SLIT2: variants seen among roughly 807,000 people sequenced by gnomAD.
SLIT2 encodes the protein slit homolog 2 protein.
Under a neutral mutation model 185.7 loss-of-function variants are expected in SLIT2, and 41 were observed. The ratio of observed to expected loss-of-function variants is 0.22; its 90% CI spans 0.17 to 0.29. SLIT2 has a LOEUF of 0.29. Ranked by LOEUF, SLIT2 falls within the 10% of genes least tolerant of loss-of-function variation. The pLI is 1.00. For missense variants in SLIT2, 1,571 were observed against 1,909.0 expected, an observed-to-expected ratio of 0.82 and a Z score of 3.30; for synonymous variants, 693 against 680.2, an observed-to-expected ratio of 1.02 and a Z score of -0.29.
At chr4:20,437,635 G>A (rs769312475) in intron 4 of SLIT2, among the ~76,000 whole-genome samples, 2 of 151,360 alleles carry the variant, frequency 1.3e-5, no homozygotes, top group Non-Finnish European at 2.9e-5. Flanking sequence ...AAAACAGGCC[G>A]AGCGTGGTGG....
At chr4:20,348,356 A>C (rs1425583431) in intron 4 of SLIT2, among the ~76,000 whole-genome samples, 1 of 151,696 alleles carries the variant, frequency 6.6e-6, no homozygotes, top group East Asian at 1.9e-4. Flanking sequence ...CTTCTGCCTC[A>C]GCCTCCCAAG....
At chr4:20,428,394 C>G (rs1728715272) in intron 4 of SLIT2, among the ~76,000 whole-genome samples, 1 of 152,172 alleles carries the variant, frequency 6.6e-6, no homozygotes. Context: ...AAAATACTAT[C>G]TTGACTCATG....
chr4:20,550,779 T>A (rs1723671071), intron 24 of SLIT2, 48 bp from the exon 25 acceptor site: 1 of 1,157,040 alleles, frequency 8.6e-7, no homozygotes, highest in African/African-American at 1.5e-5. Context: ...CTGGAGTCTA[T>A]GAGTTCAGAA....
At chr4:20,384,648 A>G (rs1426540209) in intron 4 of SLIT2, among the ~76,000 whole-genome samples, 3 of 152,156 alleles carry the variant, frequency 2.0e-5, no homozygotes, top group Non-Finnish European at 4.4e-5. Context: ...AACCAAGAAA[A>G]GAGCTTAATA....
chr4:20,253,951 C>G lies in SLIT2; in HGVS notation c.136C>G (p.Leu46Val). The G allele has an allele frequency of 6.2e-7, 1 of 1,603,120 alleles. No homozygotes were observed. Among genetic ancestry groups the G allele is most frequent in the Non-Finnish European group, 8.5e-7 (1 of 1,179,898 alleles). Residue 46 changes from leucine (L) to valine (V), a missense_variant, in exon 1 of 37, where the codon CTG becomes GTG. Leu to Val is a conservative substitution (Grantham distance 32). Coordinates refer to ENST00000504154, the MANE Select transcript of SLIT2 (RefSeq NM_004787.4). Reference sequence around the variant, plus strand: ...CACAGTGGACTGTCACGGGCTGGCGCTGCGCAGCGTGCCCAGGAATATCCC... The same window carrying G: ...CACAGTGGACTGTCACGGGCTGGCGGTGCGCAGCGTGCCCAGGAATATCCC... ...GSTVDCHGLALRSVPRNIPRN... is the reference protein window; with the variant it reads ...GSTVDCHGLAVRSVPRNIPRN...
chr4:20,378,141 G>A (rs1292890636), intron 4 of SLIT2, among the ~76,000 whole-genome samples: 1 of 152,140 alleles, frequency 6.6e-6, no homozygotes, highest in Non-Finnish European at 1.5e-5. Flanking sequence ...TTTGGAAGCT[G>A]TGTCCCAGTG....
intron 4 of SLIT2, among the ~76,000 whole-genome samples, chr4:20,388,941 CAT>C (rs909564331): frequency 7.0e-6 from 1 of 143,492 alleles, no homozygotes; most frequent in Non-Finnish European, 1.5e-5. Context: ...TATATACACA[CAT>C]ACATGTATAT....
chr4:20,278,043 T>C (rs1220203503), intron 4 of SLIT2, among the ~76,000 whole-genome samples: 1 of 152,000 alleles, frequency 6.6e-6, no homozygotes, highest in African/African-American at 2.4e-5. Flanking sequence ...ATCTTTTTTA[T>C]TCCCATTTTA....
At chr4:20,548,705 G>A in intron 23 of SLIT2, 146 bp downstream of exon 23, 1 of 624,674 alleles carries the variant, frequency 1.6e-6, no homozygotes, top group Non-Finnish European at 2.9e-6. Flanking sequence ...CACGATACGT[G>A]AACAATGTAG....
chr4:20,258,656 A>G (rs1353663751), intron 3 of SLIT2, among the ~76,000 whole-genome samples: 2 of 151,780 alleles, frequency 1.3e-5, no homozygotes, highest in Non-Finnish European at 3.0e-5. Context: ...ATATATCTGC[A>G]AAAGACAAAA....
intron 4 of SLIT2, among the ~76,000 whole-genome samples, chr4:20,363,218 T>G (rs1325498191): frequency 1.3e-5 from 2 of 152,160 alleles, no homozygotes; most frequent in Non-Finnish European, 2.9e-5. Flanking sequence ...GTGATTTATG[T>G]CCTTTTCTTA....
At chr4:20,264,382 G>A (rs559936153) in intron 3 of SLIT2, among the ~76,000 whole-genome samples, 1 of 151,840 alleles carries the variant, frequency 6.6e-6, no homozygotes, top group African/African-American at 2.4e-5. Context: ...ATTTATTACA[G>A]ACCTAGCACG....
At chr4:20,536,570 A>C (rs1231503565) in intron 18 of SLIT2, among the ~76,000 whole-genome samples, 4 of 150,802 alleles carry the variant, frequency 2.7e-5, no homozygotes, top group East Asian at 3.9e-4. Context: ...AAAAAAAAAA[A>C]AAAAAAAAAC....
At chr4:20,413,353 T>C (rs1240293128) in intron 4 of SLIT2, among the ~76,000 whole-genome samples, 1 of 152,118 alleles carries the variant, frequency 6.6e-6, no homozygotes, top group Non-Finnish European at 1.5e-5. Flanking sequence ...TTATTTCAAT[T>C]CTTTTAAATT....
intron 4 of SLIT2, among the ~76,000 whole-genome samples, chr4:20,404,109 T>G (rs778919228): frequency 3.9e-5 from 6 of 151,984 alleles, no homozygotes; most frequent in Non-Finnish European, 8.8e-5. Context: ...CATTAGTGTG[T>G]GCATTCTTAG....
chr4:20,535,991 C>A lies in SLIT2; in HGVS notation c.1832+2276C>A, dbSNP rs117450223. Among the ~76,000 whole-genome samples, 530 of 152,296 alleles carry A rather than the reference C, an allele frequency of 3.5e-3. 12 individuals carry two copies. In the South Asian group the frequency reaches 0.06, roughly 17 times the overall value. On this transcript the variant is annotated intron_variant, in intron 18 of 36. Coordinates refer to ENST00000504154, the MANE Select transcript of SLIT2 (RefSeq NM_004787.4). ...GGCTATATGGCACAGCCTATTGCTC[C>A]TGGGCTACAAACCTGTGCAGCATGT...
Position 20,254,014 on chromosome 4 carries a change from C to T in SLIT2, c.179+20C>T, listed in dbSNP as rs1427136364. On this transcript the variant is annotated intron_variant, in intron 1 of 36. Transcript: ENST00000504154. The surrounding 1 kb of genome is among the most constrained non-coding windows in gnomAD (Gnocchi z 5.1). ...GAGACTGTGAGTATGCGCTCTTCGTCTTCCCCTCTCCCCATCCGGGCCGCG... is the reference window on the plus strand; with the variant it reads ...GAGACTGTGAGTATGCGCTCTTCGTTTTCCCCTCTCCCCATCCGGGCCGCG... 6.9e-6 allele frequency: 11 copies of T among 1,593,454 alleles called. No individual in the cohort carries two copies. The highest frequency in any genetic ancestry group is 8.5e-6 in the Non-Finnish European group (10 of 1,173,568).
chr4:20,608,589 C>G (rs1274368614), intron 33 of SLIT2, among the ~76,000 whole-genome samples: 1 of 152,086 alleles, frequency 6.6e-6, no homozygotes, highest in Non-Finnish European at 1.5e-5. Context: ...TTCCTGTACA[C>G]GTGGACTCTT....
At chr4:20,472,292 A>AGATC (rs1715218754) in intron 5 of SLIT2, among the ~76,000 whole-genome samples, 2 of 31,122 alleles carry the variant, frequency 6.4e-5, no homozygotes, top group East Asian at 4.1e-3. Flanking sequence ...ATATAGATAT[A>AGATC]TAGATATATA....
Sources: allele counts gnomAD v4.1 joint callset (sites outside exome capture counted in the v4.1 genomes callset), GRCh38; gene constraint gnomAD v4.1.1; non-coding constraint Gnocchi (gnomAD v3.1); transcripts MANE v1.5; gene names NCBI Gene and HGNC (gene_info 2026-07-23, HGNC 2026-07-21).